The following ADAMTSL1 variants were observed in gnomAD, a reference collection of about 807,000 sequenced individuals.
ADAMTSL1 encodes the protein ADAMTS-like protein 1.
A neutral mutation model predicts 201.8 loss-of-function variants in ADAMTSL1; 126 were observed. The ratio of observed to expected loss-of-function variants is 0.62; its 90% CI spans 0.54 to 0.72. ADAMTSL1 has a LOEUF of 0.72. Ranked by LOEUF, ADAMTSL1 falls within the 30% of genes least tolerant of loss-of-function variation. The pLI, the probability that ADAMTSL1 is intolerant of heterozygous loss-of-function variation, is 0.00. For missense variants in ADAMTSL1, 2,679 were observed against 2,277.8 expected (o/e 1.18, Z -3.59); for synonymous variants, 1,121 against 903.4 (o/e 1.24, Z -4.32).
At chr9:18,811,048 AG>A (rs1286625223) in intron 20 of ADAMTSL1, among the ~76,000 whole-genome samples, 1 of 147,862 alleles carries the variant, frequency 6.8e-6, no homozygotes, top group East Asian at 2.1e-4. Flanking sequence ...AACACCAGCT[AG>A]AAACCTTCTC....
intron 4 of ADAMTSL1, among the ~76,000 whole-genome samples, chr9:18,591,378 C>G (rs1363649127): frequency 6.6e-6 from 1 of 152,114 alleles, no homozygotes; most frequent in East Asian, 1.9e-4. Flanking sequence ...AGTATCTTTT[C>G]CCATCCCTTC....
intron 7 of ADAMTSL1, among the ~76,000 whole-genome samples, chr9:18,649,795 C>G (rs1291488221): frequency 6.6e-6 from 1 of 152,022 alleles, no homozygotes; most frequent in Non-Finnish European, 1.5e-5. Flanking sequence ...TCAGTCTGCC[C>G]CTACTGGGGG....
Position 18,753,111 on chromosome 9 carries a change from A to G in ADAMTSL1, c.2007-187A>G, listed in dbSNP as rs548050416. Among the ~76,000 whole-genome samples the G allele has an allele frequency of 2.0e-5, 3 of 152,296 alleles. No homozygotes were observed. The East Asian group carries it at 5.8e-4, about 29-fold the overall frequency. On this transcript the variant is annotated intron_variant, in intron 15 of 28. Transcript: ENST00000380548. ...CCATTTTATCTCCCTCTTTGCTTTA[A>G]TGTAAATGAATTCTAGAGCATTAAG...
chr9:17,968,783 G>T (rs1230555939), intron 1 of ADAMTSL1, among the ~76,000 whole-genome samples: 1 of 152,080 alleles, frequency 6.6e-6, no homozygotes, highest in Non-Finnish European at 1.5e-5. Context: ...TTTTTAAAAG[G>T]TCTTTGGAGG....
At chr9:17,925,892 A>G (rs1265409399) in intron 1 of ADAMTSL1, among the ~76,000 whole-genome samples, 4 of 152,032 alleles carry the variant, frequency 2.6e-5, no homozygotes, top group Non-Finnish European at 2.9e-5. Flanking sequence ...GCATCCAGCA[A>G]CCTGACACTT....
chr9:18,491,695 CA>C (rs1375428861), intron 1 of ADAMTSL1, among the ~76,000 whole-genome samples: 1 of 152,128 alleles, frequency 6.6e-6, no homozygotes, highest in Non-Finnish European at 1.5e-5. Flanking sequence ...TTATATTTTT[CA>C]GTTTAAAAAT....
intron 2 of ADAMTSL1, among the ~76,000 whole-genome samples, chr9:18,357,013 A>G (rs1046911346): frequency 1.3e-5 from 2 of 152,172 alleles, no homozygotes; most frequent in African/African-American, 4.8e-5. Context: ...CGTATTAAAG[A>G]ATACTGTCAA....
chr9:18,770,335 A>G (rs1820617921), intron 16 of ADAMTSL1, among the ~76,000 whole-genome samples: 1 of 152,210 alleles, frequency 6.6e-6, no homozygotes, highest in African/African-American at 2.4e-5. Flanking sequence ...ATCATAGTTC[A>G]GGAGCAACTT....
Position 18,009,418 on chromosome 9 carries a change from C to T in ADAMTSL1, c.87+102496C>T, listed in dbSNP as rs575858781. Reference sequence around the variant, plus strand: ...TTACTTGCCTATTTGCCTCACAGCACAGTGTAAGTCTCCTGTCTTATTCAC... The same window carrying T: ...TTACTTGCCTATTTGCCTCACAGCATAGTGTAAGTCTCCTGTCTTATTCAC... On this transcript the variant is annotated intron_variant, in intron 1 of 29. Coordinates refer to the ADAMTSL1 transcript ENST00000680146. 4.8e-4 allele frequency among the ~76,000 whole-genome samples: 73 copies of T among 152,124 alleles called. 1 individual carries two copies. The South Asian group carries it at 0.015, about 31-fold the overall frequency.
At position 18,706,793 on chromosome 9, in the gene ADAMTSL1, G is replaced by C; in HGVS notation, c.1621G>C (p.Gly541Arg). 1 of 1,608,676 alleles carries C rather than the reference G, an allele frequency of 6.2e-7. No homozygotes were observed. The highest frequency in any genetic ancestry group is 8.5e-7 in the Non-Finnish European group (1 of 1,177,492). Residue 541 changes from glycine (G) to arginine (R), a missense_variant, in exon 14 of 29, where the codon GGG (glycine) becomes CGG (arginine). By Grantham distance (125) the Gly-to-Arg change is moderately radical. Transcript: ENST00000380548. ...GGCCTGCACAGTCACCTGTGGTGTG[G>C]GGACCCAGGTGCGAATAGTCAGGTG... ...WSACTVTCGV[G>R]TQVRIVRCQV...
intron 2 of ADAMTSL1, among the ~76,000 whole-genome samples, chr9:18,518,664 C>T (rs899770447): frequency 3.9e-5 from 6 of 152,008 alleles, no homozygotes; most frequent in Non-Finnish European, 8.8e-5. Flanking sequence ...GTTAGATACC[C>T]AGTGTGGGAT....
intron 14 of ADAMTSL1, among the ~76,000 whole-genome samples, chr9:18,710,117 TCC>T (rs765394520): frequency 6.6e-6 from 1 of 152,246 alleles, no homozygotes; most frequent in Non-Finnish European, 1.5e-5. Flanking sequence ...TTAGAGTTTT[TCC>T]CTCCTCCAGC....
intron 16 of ADAMTSL1, among the ~76,000 whole-genome samples, chr9:18,758,105 A>C (rs1819875703): frequency 6.6e-6 from 1 of 152,208 alleles, no homozygotes; most frequent in Non-Finnish European, 1.5e-5. Context: ...CATTCGCTGC[A>C]CTTGGCCTCT....
chr9:18,302,303 ACT>A (rs1833737684), intron 2 of ADAMTSL1, among the ~76,000 whole-genome samples: 2 of 152,002 alleles, frequency 1.3e-5, no homozygotes, highest in Admixed American at 6.6e-5. Flanking sequence ...CCTAGAGGAT[ACT>A]CTCTGTCCAG....
intron 4 of ADAMTSL1, among the ~76,000 whole-genome samples, chr9:18,591,127 C>T (rs1823885654): frequency 6.6e-6 from 1 of 151,844 alleles, no homozygotes; most frequent in Non-Finnish European, 1.5e-5. Context: ...AAGTGGGGTG[C>T]CCTACTATTT....
At chr9:18,474,367 ATGTGTGTTTGTGTGTGTGTG>A in intron 1 of ADAMTSL1, 72 bp downstream of exon 1, 1 of 1,428,096 alleles carries the variant, frequency 7.0e-7, no homozygotes, top group Admixed American at 1.7e-5. Context: ...GTGTGTGTGT[ATGTGTGTTTGTGTGTGTGTG>A]TGTGTCTTTA....
chr9:18,196,947 A>G (rs972699956), intron 2 of ADAMTSL1, among the ~76,000 whole-genome samples: 2 of 152,052 alleles, frequency 1.3e-5, no homozygotes, highest in South Asian at 2.1e-4. Flanking sequence ...GTAGGCCCCT[A>G]TAGCTTCACT....
Position 18,661,980 on chromosome 9 carries a change from G to A in ADAMTSL1, c.992G>A (p.Arg331His), listed in dbSNP as rs142112150. 2.1e-4 allele frequency: 334 copies of A among 1,613,652 alleles called. 2 individuals carry two copies. The African/African-American group carries it at 3.1e-3, about 15-fold the overall frequency. ...SAECYDLRSN[R>H]VVADQYCHYY... ...GAGTGCTACGATCTGAGGAGCAACC[G>A]TGTGGTTGCTGACCAATACTGTCAC... is the stretch of plus-strand genomic sequence containing the variant. The change falls in exon 9 of 29, where the codon CGT becomes CAT. Residue 331 changes from arginine (R) to histidine (H), a missense_variant. By Grantham distance (29) the Arg-to-His change is conservative. Transcript: ENST00000380548.
intron 12 of ADAMTSL1, among the ~76,000 whole-genome samples, chr9:18,683,287 T>C (rs532003951): frequency 9.3e-5 from 14 of 150,524 alleles, no homozygotes; most frequent in Non-Finnish European, 1.9e-4. Context: ...TTCAGTGGCG[T>C]GATCTCGGCT....
Sources: gnomAD v4.1 joint callset for allele counts (sites outside exome capture counted in the v4.1 genomes callset) on GRCh38, gnomAD v4.1.1 for gene constraint, MANE v1.5 for transcripts, NCBI Gene and HGNC (gene_info 2026-07-23, HGNC 2026-07-21) for gene names.